SLC28A1: variants seen among roughly 807,000 people sequenced by gnomAD.
The protein encoded by SLC28A1 is solute carrier family 28 member 1.
A neutral mutation model predicts 74.8 loss-of-function variants in SLC28A1; 64 were observed. The ratio of observed to expected loss-of-function variants is 0.86; its 90% confidence interval spans 0.70 to 1.05. The LOEUF (loss-of-function observed/expected upper bound fraction) is 1.05, where lower values mean the gene tolerates loss of function less well. Among genes scored for constraint, SLC28A1 ranks in the 50% least tolerant of loss-of-function variants. The pLI, the probability that SLC28A1 is intolerant of heterozygous loss-of-function variation, is 0.00. For synonymous variants in SLC28A1, 359 were observed against 335.0 expected (o/e 1.07, Z -0.78); for missense variants, 828 against 822.8 (o/e 1.01, Z -0.08).
At chr15:84,904,909 G>C (rs558928009) in intron 7 of SLC28A1, among the ~76,000 whole-genome samples, 1 of 152,342 alleles carries the variant, frequency 6.6e-6, no homozygotes, top group East Asian at 1.9e-4. Context: ...CATAGCATAA[G>C]ATCCCTCCCT....
intron 12 of SLC28A1, among the ~76,000 whole-genome samples, chr15:84,926,802 A>AGGGGGGGGGGGGGGGGGGGGGGG (rs544419272): frequency 2.8e-5 from 3 of 108,094 alleles, no homozygotes; most frequent in Non-Finnish European, 5.5e-5. Context: ...GGGTGGGGGG[A>AGGGGGGGGGGGGGGGGGGGGGGG]GGGGGGGGGT....
At chr15:84,922,868 T>C (rs1970007630) in intron 11 of SLC28A1, among the ~76,000 whole-genome samples, 1 of 152,244 alleles carries the variant, frequency 6.6e-6, no homozygotes. Flanking sequence ...TGTCACTGGC[T>C]CCTTCAGGTC....
intron 6 of SLC28A1, among the ~76,000 whole-genome samples, chr15:84,898,670 T>TA (rs1380844554): frequency 2.0e-5 from 3 of 151,798 alleles, no homozygotes; most frequent in South Asian, 4.2e-4. Flanking sequence ...TTGAAACAGC[T>TA]AAAAAACTGG....
chr15:84,965,280 G>A, the SLC28A1 span, among the ~76,000 whole-genome samples: 2 of 152,250 alleles, frequency 1.3e-5, no homozygotes, highest in South Asian at 4.1e-4. Context: ...TGCCATGATT[G>A]TAAGTTTCCT....
chr15:84,975,029 C>G, the SLC28A1 span, among the ~76,000 whole-genome samples: 41 of 152,122 alleles, frequency 2.7e-4, no homozygotes, highest in Non-Finnish European at 5.0e-4. Flanking sequence ...CAGGGTGAAA[C>G]CTTGTTGGAG....
At chr15:84,912,797 T>TGCGCGCGCGCGCGC (rs148740007) in intron 9 of SLC28A1, among the ~76,000 whole-genome samples, 9 of 118,250 alleles carry the variant, frequency 7.6e-5, no homozygotes, top group African/African-American at 3.0e-4. Context: ...TGCCAAATTT[T>TGCGCGCGCGCGCGC]GCGCGCGCGC....
intron 9 of SLC28A1, among the ~76,000 whole-genome samples, chr15:84,911,683 A>T (rs747847211): frequency 2.6e-5 from 4 of 151,922 alleles, no homozygotes; most frequent in Admixed American, 1.3e-4. Context: ...CCAATATGAA[A>T]CCCCATCTCT....
At chr15:84,942,845 A>T (rs995496317) in intron 15 of SLC28A1, among the ~76,000 whole-genome samples, 6 of 152,166 alleles carry the variant, frequency 3.9e-5, no homozygotes, top group African/African-American at 1.4e-4. Context: ...GACAGGACTA[A>T]CAAAGGCTGA....
intron 13 of SLC28A1, 80 bp downstream of exon 13, chr15:84,933,355 T>G: frequency 6.6e-7 from 1 of 1,519,154 alleles, no homozygotes; most frequent in Non-Finnish European, 9.0e-7. Context: ...GTTCTCTCTG[T>G]CCATCACTGT....
intron 9 of SLC28A1, among the ~76,000 whole-genome samples, chr15:84,915,677 G>T (rs751880197): frequency 2.6e-5 from 4 of 152,202 alleles, no homozygotes; most frequent in South Asian, 2.1e-4. Flanking sequence ...AGTCCTTACC[G>T]TTCCAGAGTT....
chr15:84,916,555 A>G (rs1969134183), intron 9 of SLC28A1, among the ~76,000 whole-genome samples: 1 of 152,090 alleles, frequency 6.6e-6, no homozygotes. Flanking sequence ...GCCAACCTGT[A>G]CTTCTTATGA....
chr15:84,956,404 C>CCCTTCCTT, the SLC28A1 span, among the ~76,000 whole-genome samples: 4 of 149,526 alleles, frequency 2.7e-5, no homozygotes, highest in Non-Finnish European at 4.4e-5. Flanking sequence ...TTTTCTCTCT[C>CCCTTCCTT]CCTTCCTTCC....
Position 84,888,796 on chromosome 15 carries a change from G to T in SLC28A1, c.121G>T (p.Asp41Tyr), listed in dbSNP as rs760317644. The change falls in exon 4 of 19, where the codon GAC becomes TAC. Residue 41 changes from aspartate (D) to tyrosine (Y), a missense_variant. Physicochemically the swap from Asp to Tyr is radical, Grantham distance 160. This residue lies in a region of SLC28A1 where 767 missense variants were observed against 753.5 expected (regional missense o/e 1.02). Transcript: ENST00000394573. ...GGAGGAAGGCCAGCTCCCTAGGAGTGACTTGAGCCCCGCAGAGATCAGGAG... is the reference window on the plus strand; with the variant it reads ...GGAGGAAGGCCAGCTCCCTAGGAGTTACTTGAGCCCCGCAGAGATCAGGAG... The part of the protein sequence containing the change: ...SLEEGQLPRS[D>Y]LSPAEIRSSW... 1.4e-5 allele frequency: 22 copies of T among 1,554,450 alleles called. 2 individuals carry two copies. The Middle Eastern group carries it at 6.8e-4, about 48-fold the overall frequency.
intron 9 of SLC28A1, among the ~76,000 whole-genome samples, chr15:84,909,872 T>C (rs1041924920): frequency 9.9e-5 from 15 of 152,256 alleles, no homozygotes; most frequent in African/African-American, 3.1e-4. Context: ...CAGAGGTTTC[T>C]TCTGTTTTTC....
At chr15:84,886,306 A>G (rs1206614461) in intron 1 of SLC28A1, 1 of 985,264 alleles carries the variant, frequency 1.0e-6, no homozygotes, top group Non-Finnish European at 1.2e-6. Flanking sequence ...AAAGGGAGAT[A>G]GAGAAAGATG....
the SLC28A1 span, among the ~76,000 whole-genome samples, chr15:84,961,139 A>C: frequency 1.3e-5 from 2 of 152,118 alleles, no homozygotes; most frequent in East Asian, 3.8e-4. Flanking sequence ...ATTAACTCTG[A>C]TAATGCAGGC....
the SLC28A1 span, among the ~76,000 whole-genome samples, chr15:84,973,608 G>A: frequency 4.6e-5 from 7 of 152,124 alleles, no homozygotes; most frequent in Non-Finnish European, 8.8e-5. Flanking sequence ...TGCTCTTGGT[G>A]CCCACCCTCC....
At chr15:84,923,492 A>G (rs1363499401) in intron 11 of SLC28A1, among the ~76,000 whole-genome samples, 1 of 152,160 alleles carries the variant, frequency 6.6e-6, no homozygotes, top group African/African-American at 2.4e-5. Flanking sequence ...TGAGTAATGA[A>G]GGGCTTCGGG....
At chr15:84,927,202 TG>T (rs1970622371) in intron 12 of SLC28A1, among the ~76,000 whole-genome samples, 1 of 152,066 alleles carries the variant, frequency 6.6e-6, no homozygotes, top group Non-Finnish European at 1.5e-5. Flanking sequence ...TTTTTGGAAG[TG>T]TGGAGGCCAA....
Sources: allele counts gnomAD v4.1 joint callset (sites outside exome capture counted in the v4.1 genomes callset), GRCh38; gene constraint gnomAD v4.1.1; regional missense constraint gnomAD v4.1.1; transcripts MANE v1.5; gene names NCBI Gene and HGNC (gene_info 2026-07-23, HGNC 2026-07-21).